C1orf167: variants seen among roughly 807,000 people sequenced by gnomAD.
The protein encoded by C1orf167 is chromosome 1 open reading frame 167.
In C1orf167, 153 loss-of-function variants were observed where a neutral mutation model predicts 176.5. The ratio of observed to expected loss-of-function variants is 0.87; its 90% confidence interval spans 0.76 to 0.99. The LOEUF (loss-of-function observed/expected upper bound fraction) is 0.99. Among genes scored for constraint, C1orf167 ranks in the 50% least tolerant of loss-of-function variants. The probability of loss-of-function intolerance (pLI) is 0.00; values close to 1 mark genes in which losing one functional copy is unlikely to be tolerated. For synonymous variants in C1orf167, 594 were observed against 752.7 expected (o/e 0.79, Z 3.45); for missense variants, 1,490 against 1,817.7 (o/e 0.82, Z 3.28).
In C1orf167 at chr1:11,768,157, C is replaced by T. The variant is rs1224505170; in HGVS notation, c.1424C>T (p.Ala475Val). ...RQREPAAAAV[A>V]LGRWQLLRKC... is the part of the protein sequence containing the mutation. The stretch of plus-strand genomic sequence containing the variant: ...CGGGAGCCAGCGGCGGCGGCAGTGG[C>T]ACTGGGCCGCTGGCAGCTGTTGCGA... Residue 475 changes from alanine to valine, a missense_variant, in exon 5 of 21, where the codon GCA (alanine) becomes GTA (valine). Ala to Val is a moderately conservative substitution (Grantham distance 64). Coordinates refer to ENST00000688073, the MANE Select transcript of C1orf167 (RefSeq NM_001010881.2). This position sits in a 1 kb window ranked among gnomAD's most constrained non-coding sequence, Gnocchi z 4.5. The T allele has an allele frequency of 1.6e-6, 2 of 1,287,946 alleles. No individual in the cohort carries two copies. Among genetic ancestry groups the T allele is most frequent in the East Asian group, 1.1e-4 (2 of 18,010 alleles). 79.8% of individuals were successfully genotyped at this position (1,287,946 alleles called of 1,614,324 possible).
In C1orf167 at chr1:11,778,774, G is replaced by A; in HGVS notation, c.2454G>A (p.Leu818=). 1 of 1,304,126 alleles carries A rather than the reference G, an allele frequency of 7.7e-7. No homozygotes were observed. Among genetic ancestry groups the A allele is most frequent in the African/African-American group, 1.5e-5 (1 of 65,982 alleles). The allele number at this position is 1,304,126 out of a possible 1,614,324, so 80.8% of individuals were successfully genotyped here. A position where few individuals can be genotyped will look rare whatever the true frequency, so the allele number is the denominator to read the frequency against. The part of the protein sequence containing the change: ...TSSCTKTPSA[L]EPLSSSTLQD... ...GCTGCACCAAGACCCCCTCGGCTCT[G>A]GAGCCACTGAGCAGCAGCACACTCC... is the stretch of plus-strand genomic sequence containing the variant. The change falls in exon 11 of 21, where the codon CTG becomes CTA. Residue 818 remains leucine, a synonymous_variant. Coordinates refer to ENST00000688073, the MANE Select transcript of C1orf167 (RefSeq NM_001010881.2).
At chr1:11,782,622 T>C (rs1643649390) in intron 14 of C1orf167, among the ~76,000 whole-genome samples, 1 of 151,974 alleles carries the variant, frequency 6.6e-6, no homozygotes, top group Non-Finnish European at 1.5e-5. Context: ...GAGGATATGA[T>C]TAAGATGGGA....
intron 7 of C1orf167, 98 bp downstream of exon 7, chr1:11,771,734 A>G: frequency 6.5e-6 from 5 of 770,390 alleles, no homozygotes; most frequent in Non-Finnish European, 9.4e-6. Context: ...GGGCGAATGA[A>G]TGTTTATTTT....
chr1:11,788,237 C>A lies in C1orf167; in HGVS notation c.3937C>A (p.His1313Asn). 1 of 1,303,820 alleles carries A rather than the reference C, an allele frequency of 7.7e-7. No homozygotes were observed. Among genetic ancestry groups the A allele is most frequent in the Non-Finnish European group, 1.0e-6 (1 of 988,580 alleles). The allele number at this position is 1,303,820 out of a possible 1,614,324, so 80.8% of individuals were successfully genotyped here. A position where few individuals can be genotyped will look rare whatever the true frequency, so the allele number is the denominator to read the frequency against. Residue 1313 changes from histidine to asparagine, a missense_variant, in exon 19 of 21, where the codon CAT (histidine) becomes AAT (asparagine). His to Asn is a moderately conservative substitution (Grantham distance 68). Coordinates refer to ENST00000688073, the MANE Select transcript of C1orf167 (RefSeq NM_001010881.2). ...CCTGAAGGGTCACGATGCTCTTGGC[C>A]ATCAGGAGGAAGTACCTGCAGCGCC... is the stretch of plus-strand genomic sequence containing the variant. The part of the protein sequence containing the change: ...LALKGHDALG[H>N]QEEVPAAPVP...
In C1orf167 at chr1:11,779,817, G is replaced by A; in HGVS notation, c.2667G>A (p.Trp889Ter). 1 of 1,302,080 alleles carries A rather than the reference G, an allele frequency of 7.7e-7. No homozygotes were observed. Among genetic ancestry groups the A allele is most frequent in the Non-Finnish European group, 1.0e-6 (1 of 988,154 alleles). The allele number at this position is 1,302,080 out of a possible 1,614,324, so 80.7% of individuals were successfully genotyped here. ...HTRQRRIFLS[W>*]SRWATAQWAW... ...CCTTTCCCAGCATCTTCCTCAGCTG[G>A]AGCCGCTGGGCAACAGCCCAATGGG... Residue 889 changes from tryptophan (W) to a stop codon, truncating the protein, a stop_gained, in exon 13 of 21, where the codon TGG becomes TGA. Transcript: ENST00000688073. LOFTEE classifies it high-confidence loss of function.
chr1:11,788,437 CA>C (rs1254640207), intron 19 of C1orf167, 59 bp downstream of exon 19: 1 of 1,245,736 alleles, frequency 8.0e-7, no homozygotes, highest in Non-Finnish European at 1.1e-6. Context: ...ATACTTAACC[CA>C]AACCCCTCTC....
chr1:11,775,984 G>A (rs2100330347), intron 9 of C1orf167, among the ~76,000 whole-genome samples: 1 of 152,342 alleles, frequency 6.6e-6, no homozygotes, highest in East Asian at 1.9e-4. Flanking sequence ...GGGGCCCGGT[G>A]TAGTGGCTCA....
chr1:11,775,598 C>T lies in C1orf167; in HGVS notation c.2152C>T (p.Arg718Trp), dbSNP rs1414887163. Residue 718 changes from arginine to tryptophan, a missense_variant, in exon 9 of 21, where the codon CGG (arginine) becomes TGG (tryptophan). Physicochemically the swap from Arg to Trp is moderately radical, Grantham distance 101. Transcript: ENST00000688073. The stretch of plus-strand genomic sequence containing the variant: ...AAAGGTGACCCAGCTGTCCCTCTGC[C>T]GGCAGAAAGCAGGTGAGCTAGTGTT... ...GAKVTQLSLC[R>W]QKAGREAVYT... is the part of the protein sequence containing the mutation. The T allele has an allele frequency of 1.0e-5, 13 of 1,302,464 alleles. No homozygotes were observed. Among genetic ancestry groups the T allele is most frequent in the South Asian group, 6.2e-5 (5 of 80,822 alleles). The allele number at this position is 1,302,464 out of a possible 1,614,324, so 80.7% of individuals were successfully genotyped here.
In C1orf167 at chr1:11,778,641, T is replaced by C; in HGVS notation, c.2340-19T>C. ...CTGAGGGTGAGGCTGGGTGGGTCAC[T>C]CACCTGCCCCTTCTCTAGCTCCTTC... On this transcript the variant is annotated intron_variant, in intron 10 of 20. Transcript: ENST00000688073. 7.8e-7 allele frequency: 1 copy of C among 1,281,348 alleles called. No homozygotes were observed. Among genetic ancestry groups the C allele is most frequent in the Non-Finnish European group, 1.0e-6 (1 of 972,786 alleles). 79.4% of individuals were successfully genotyped at this position (1,281,348 alleles called of 1,614,324 possible).
intron 2 of C1orf167, among the ~76,000 whole-genome samples, chr1:11,765,068 A>AG (rs1642722664): frequency 1.3e-5 from 2 of 150,760 alleles, no homozygotes; most frequent in African/African-American, 4.9e-5. Context: ...AAAAAAAAAA[A>AG]AAAAAAAAAG....
chr1:11,784,161 G>A lies in C1orf167; in HGVS notation c.3006-13G>A, dbSNP rs1256774005. 8.2e-7 allele frequency: 1 copy of A among 1,217,620 alleles called. No individual in the cohort carries two copies. The highest frequency in any genetic ancestry group is 1.1e-6 in the Non-Finnish European group (1 of 946,500). 75.4% of individuals were successfully genotyped at this position (1,217,620 alleles called of 1,614,324 possible). A position where few individuals can be genotyped will look rare whatever the true frequency, so the allele number is the denominator to read the frequency against. The stretch of plus-strand genomic sequence containing the variant: ...TGAGCCACCACACCTGGCCCAATGT[G>A]TCTGTTTTGCAGCTACTTCCAGGCC... On this transcript the variant is annotated splice_polypyrimidine_tract_variant and intron_variant, in intron 14 of 20. Transcript: ENST00000688073.
At chr1:11,771,931 A>T (rs1181438818) in intron 7 of C1orf167, 151 bp from the exon 8 acceptor site, 2 of 531,914 alleles carry the variant, frequency 3.8e-6, no homozygotes, top group Non-Finnish European at 6.0e-6. Flanking sequence ...GCAGGCCCAC[A>T]CCAGAGGCTG....
chr1:11,778,492 C>T (rs951841425), intron 10 of C1orf167, among the ~76,000 whole-genome samples, 168 bp from the exon 11 acceptor site: 6 of 152,206 alleles, frequency 3.9e-5, no homozygotes, highest in Non-Finnish European at 7.4e-5. Flanking sequence ...CAGCATGCAG[C>T]CGCTGTGGGG....
At chr1:11,770,603 C>T (rs1643007653) in intron 6 of C1orf167, among the ~76,000 whole-genome samples, 1 of 147,686 alleles carries the variant, frequency 6.8e-6, no homozygotes, top group South Asian at 2.2e-4. Flanking sequence ...ACCACCACGC[C>T]TGGCTGATTT....
rs1157944661 is a variant in C1orf167, at chr1:11,789,373, G to A, written c.4277G>A (p.Ser1426Asn). Reference protein sequence around the residue: ...WSKPGPKGPESGQEAARAPRG... With the variant: ...WSKPGPKGPENGQEAARAPRG... ...AAGCCAGGCCCCAAGGGCCCCGAGA[G>A]TGGACAGGAAGCCGCCAGAGCACCG... is the stretch of plus-strand genomic sequence containing the variant. The change falls in exon 21 of 21, where the codon AGT becomes AAT. Residue 1426 changes from serine to asparagine, a missense_variant. Physicochemically the swap from Ser to Asn is conservative, Grantham distance 46. Transcript: ENST00000688073. 2.3e-6 allele frequency: 3 copies of A among 1,304,190 alleles called. No homozygotes were observed. Among genetic ancestry groups the A allele is most frequent in the African/African-American group, 3.0e-5 (2 of 65,990 alleles). The allele number at this position is 1,304,190 out of a possible 1,614,324, so 80.8% of individuals were successfully genotyped here.
Position 11,778,992 on chromosome 1 carries a change from C to T in C1orf167, c.2563C>T (p.Gln855Ter), listed in dbSNP as rs1183938482. Residue 855 changes from glutamine (Q) to a stop codon, truncating the protein, a stop_gained, in exon 12 of 21, where the codon CAG becomes TAG. Transcript: ENST00000688073. LOFTEE classifies it high-confidence loss of function. The stretch of plus-strand genomic sequence containing the variant: ...CCTTCTGTGGGCAGCTGGGCAGCGG[C>T]AGCAGGGGCAGTGCCTTCTGCTCTG... ...GSLLWAAGQRQQGQCLLLWQA... is the reference protein window; with the variant it reads ...GSLLWAAGQR 1 of 1,303,204 alleles carries T rather than the reference C, an allele frequency of 7.7e-7. No individual in the cohort carries two copies. Among genetic ancestry groups the T allele is most frequent in the Non-Finnish European group, 1.0e-6 (1 of 988,366 alleles). 80.7% of individuals were successfully genotyped at this position (1,303,204 alleles called of 1,614,324 possible). A position where few individuals can be genotyped will look rare whatever the true frequency, so the allele number is the denominator to read the frequency against.
At chr1:11,767,300 T>C (rs1570378930) in intron 4 of C1orf167, 36 bp downstream of exon 4, 2 of 1,275,380 alleles carry the variant, frequency 1.6e-6, no homozygotes, top group Admixed American at 2.3e-5. Context: ...GGGGTTGGAG[T>C]TGGGGGACAC....
At position 11,788,398 on chromosome 1, in the gene C1orf167, T is replaced by A. The variant is rs1311852262; in HGVS notation, c.4078+20T>A. ...ACCCTGGTGAGTGGGTGCACCCCTC[T>A]CCACACTGACCATCTCCCATTTCAC... is the stretch of plus-strand genomic sequence containing the variant. On this transcript the variant is annotated intron_variant, in intron 19 of 20. Coordinates refer to ENST00000688073, the MANE Select transcript of C1orf167 (RefSeq NM_001010881.2). 3 of 1,279,680 alleles carry A rather than the reference T, an allele frequency of 2.3e-6. No homozygotes were observed. The highest frequency in any genetic ancestry group is 3.1e-6 in the Non-Finnish European group (3 of 971,000). 79.3% of individuals were successfully genotyped at this position (1,279,680 alleles called of 1,614,324 possible).
Position 11,775,445 on chromosome 1 carries a change from G to A in C1orf167, c.1999G>A (p.Ala667Thr), listed in dbSNP as rs144781974. The A allele has an allele frequency of 6.6e-5, 86 of 1,300,110 alleles. No homozygotes were observed. The highest frequency in any genetic ancestry group is 8.5e-5 in the Non-Finnish European group (84 of 986,858). 80.5% of individuals were successfully genotyped at this position (1,300,110 alleles called of 1,614,324 possible). Reference protein sequence around the residue: ...QRAWLCRCFGAWQQFVQRGSR... With the variant: ...QRAWLCRCFGTWQQFVQRGSR... Reference sequence around the variant, plus strand: ...CCTCTGTTCTCCCAGGTGCTTCGGGGCGTGGCAGCAGTTCGTGCAAAGAGG... The same window carrying A: ...CCTCTGTTCTCCCAGGTGCTTCGGGACGTGGCAGCAGTTCGTGCAAAGAGG... Residue 667 changes from alanine to threonine, a missense_variant, in exon 9 of 21, where the codon GCG becomes ACG. Transcript: ENST00000688073.
Sources: allele counts gnomAD v4.1 joint callset (sites outside exome capture counted in the v4.1 genomes callset), GRCh38; gene constraint gnomAD v4.1.1; non-coding constraint Gnocchi (gnomAD v3.1); transcripts MANE v1.5; gene names NCBI Gene and HGNC (gene_info 2026-07-23, HGNC 2026-07-21).